Variants in FYN observed in about 807,000 individuals in gnomAD.
The protein encoded by FYN is FYN proto-oncogene, Src family tyrosine kinase.
A neutral mutation model predicts 70.2 loss-of-function variants in FYN; 10 were observed. The observed-to-expected ratio is 0.14, with a 90% CI of 0.09 to 0.24. FYN has a LOEUF of 0.24. Among genes scored for constraint, FYN ranks in the 10% least tolerant of loss-of-function variants. FYN has a pLI of 1.00. For synonymous variants in FYN, 236 were observed against 248.6 expected (o/e 0.95, Z 0.48); for missense variants, 319 against 673.1 (o/e 0.47, Z 5.82).
chr6:111,856,079 A>C (rs1773816507), intron 1 of FYN, among the ~76,000 whole-genome samples: 2 of 152,252 alleles, frequency 1.3e-5, no homozygotes, highest in Non-Finnish European at 2.9e-5. Flanking sequence ...AAACATTTGA[A>C]AGGACCACAG....
chr6:111,700,095 T>A lies in FYN; in HGVS notation c.862+9A>T. 1 of 1,613,022 alleles carries A rather than the reference T, an allele frequency of 6.2e-7. No individual in the cohort carries two copies. Among genetic ancestry groups the A allele is most frequent in the Non-Finnish European group, 8.5e-7 (1 of 1,179,270 alleles). On this transcript the variant is annotated intron_variant, in intron 9 of 13. Transcript: ENST00000354650. ...AAGCTAATAAGAGAGTAATTGAGTC[T>A]CAGCATACCCATCCATACTTCCCCA...
At chr6:111,783,331 C>A (rs1771246150) in intron 2 of FYN, among the ~76,000 whole-genome samples, 1 of 152,138 alleles carries the variant, frequency 6.6e-6, no homozygotes, top group Non-Finnish European at 1.5e-5. Context: ...ACTCTCCCTC[C>A]CCAATAACCA....
At chr6:111,681,095 T>C (rs1798761998) in intron 12 of FYN, among the ~76,000 whole-genome samples, 1 of 151,588 alleles carries the variant, frequency 6.6e-6, no homozygotes, top group African/African-American at 2.4e-5. Context: ...TGGTGCAATC[T>C]TGACTTACTG....
At chr6:111,753,632 A>T (rs1297828552) in intron 3 of FYN, among the ~76,000 whole-genome samples, 1 of 151,948 alleles carries the variant, frequency 6.6e-6, no homozygotes, top group African/African-American at 2.4e-5. Flanking sequence ...GTGAGGGCCT[A>T]AACCAAAAAA....
chr6:111,852,421 C>T (rs905648906), intron 1 of FYN, among the ~76,000 whole-genome samples: 1 of 152,104 alleles, frequency 6.6e-6, no homozygotes, highest in Non-Finnish European at 1.5e-5. Flanking sequence ...TTAACAAACA[C>T]CGTGTGGAGA....
chr6:111,662,664 C>T (rs1410953956), intron 13 of FYN, among the ~76,000 whole-genome samples: 1 of 152,088 alleles, frequency 6.6e-6, no homozygotes, highest in Non-Finnish European at 1.5e-5. Flanking sequence ...AGCATGCTGC[C>T]CCTTGTTTAT....
At chr6:111,770,006 G>A (rs1427859929) in intron 3 of FYN, among the ~76,000 whole-genome samples, 1 of 151,840 alleles carries the variant, frequency 6.6e-6, no homozygotes, top group Non-Finnish European at 1.5e-5. Context: ...GATGGGGGGA[G>A]GGCAAAAAAG....
At chr6:111,798,089 C>T (rs1260248680) in intron 2 of FYN, among the ~76,000 whole-genome samples, 2 of 152,050 alleles carry the variant, frequency 1.3e-5, no homozygotes, top group Non-Finnish European at 2.9e-5. Flanking sequence ...CTTAACATTG[C>T]TATCTCAATA....
At chr6:111,796,138 C>G (rs1488803426) in intron 2 of FYN, among the ~76,000 whole-genome samples, 1 of 152,072 alleles carries the variant, frequency 6.6e-6, no homozygotes, top group Non-Finnish European at 1.5e-5. Flanking sequence ...AAGTTGAAGA[C>G]CCAGGATTTG....
Position 111,664,323 on chromosome 6 carries a change from G to A in FYN, c.1406-2376C>T, listed in dbSNP as rs190177930. Among the ~76,000 whole-genome samples, 282 of 152,140 alleles carry A rather than the reference G, an allele frequency of 1.9e-3. 1 individual carries two copies. The highest frequency in any genetic ancestry group is 6.0e-3 in the African/African-American group (250 of 41,498). ...TGGGTGCGGTTACAGCCCCTGAAAC[G>A]CCTCCTAATGCTTGACTCTGGCTCT... On this transcript the variant is annotated intron_variant, in intron 13 of 13. Coordinates refer to ENST00000354650, the MANE Select transcript of FYN (RefSeq NM_002037.5).
At chr6:111,785,630 T>C (rs1421446400) in intron 2 of FYN, among the ~76,000 whole-genome samples, 1 of 152,146 alleles carries the variant, frequency 6.6e-6, no homozygotes, top group African/African-American at 2.4e-5. Context: ...CAAGTTCTTA[T>C]TAGTGGGTGG....
intron 12 of FYN, among the ~76,000 whole-genome samples, chr6:111,683,894 T>A (rs1009864720): frequency 6.6e-6 from 1 of 152,136 alleles, no homozygotes; most frequent in Non-Finnish European, 1.5e-5. Flanking sequence ...TCAAACCCAA[T>A]GAAACTTGGC....
intron 3 of FYN, among the ~76,000 whole-genome samples, chr6:111,770,872 C>CCT (rs1803423456): frequency 1.3e-5 from 2 of 152,050 alleles, no homozygotes; most frequent in Non-Finnish European, 1.5e-5. Context: ...ATCCAGCTGC[C>CCT]CATGACCCAA....
chr6:111,745,522 G>A (rs998716318), intron 3 of FYN, among the ~76,000 whole-genome samples: 1 of 152,184 alleles, frequency 6.6e-6, no homozygotes, highest in African/African-American at 2.4e-5. Flanking sequence ...AGAGGAGCAT[G>A]CCAGGGAGCA....
chr6:111,792,456 C>A (rs780039540), intron 2 of FYN, among the ~76,000 whole-genome samples: 6 of 152,174 alleles, frequency 3.9e-5, no homozygotes, highest in African/African-American at 7.2e-5. Flanking sequence ...CCAGATCCTG[C>A]CATCCAGAGC....
At chr6:111,823,539 A>G (rs540346891) in intron 2 of FYN, among the ~76,000 whole-genome samples, 1 of 152,314 alleles carries the variant, frequency 6.6e-6, no homozygotes, top group South Asian at 2.1e-4. Flanking sequence ...TAAAGAATGG[A>G]AGCTTTTCAC....
At chr6:111,679,865 C>T (rs577780598) in intron 12 of FYN, among the ~76,000 whole-genome samples, 1 of 152,060 alleles carries the variant, frequency 6.6e-6, no homozygotes, top group Admixed American at 6.5e-5. Context: ...GACAAGGGGG[C>T]CCAGTTCACT....
chr6:111,711,288 C>T (rs770090192), intron 5 of FYN, among the ~76,000 whole-genome samples: 34 of 151,268 alleles, frequency 2.2e-4, no homozygotes, highest in Non-Finnish European at 4.3e-4. Flanking sequence ...AAAAAAACAA[C>T]AAACCTACCC....
chr6:111,666,057 A>G (rs1797993119), intron 13 of FYN, among the ~76,000 whole-genome samples: 1 of 125,816 alleles, frequency 7.9e-6, no homozygotes, highest in Non-Finnish European at 1.6e-5. Flanking sequence ...GCTGGAGTGC[A>G]GTGGCACAAT....
Sources: allele counts gnomAD v4.1 joint callset (sites outside exome capture counted in the v4.1 genomes callset), GRCh38; gene constraint gnomAD v4.1.1; transcripts MANE v1.5; gene names NCBI Gene and HGNC (gene_info 2026-07-23, HGNC 2026-07-21).